Variants in TOP6BL observed in about 807,000 individuals in gnomAD.
The protein encoded by TOP6BL is type 2 DNA topoisomerase 6 subunit B-like.
At chr11:66,747,041 A>G in the TOP6BL span, among the ~76,000 whole-genome samples, 2 of 151,956 alleles carry the variant, frequency 1.3e-5, no homozygotes, top group African/African-American at 4.8e-5. Flanking sequence ...AGTTCAAGCA[A>G]TTCTCCTGCC....
chr11:66,752,131 TC>T, the TOP6BL span, among the ~76,000 whole-genome samples: 11 of 151,268 alleles, frequency 7.3e-5, no homozygotes, highest in African/African-American at 2.7e-4. Flanking sequence ...GCTTCCTGAA[TC>T]CCTCTCTCTC....
At chr11:66,841,256 T>C in the TOP6BL span, among the ~76,000 whole-genome samples, 139 of 152,012 alleles carry the variant, frequency 9.1e-4, 1 homozygote, top group African/African-American at 3.3e-3. Context: ...TAGTTGGGAT[T>C]ACAGGCGCCC....
chr11:66,791,034 T>C, the TOP6BL span, among the ~76,000 whole-genome samples: 1 of 152,228 alleles, frequency 6.6e-6, no homozygotes, highest in Admixed American at 6.5e-5. Context: ...TGTGCAGCTA[T>C]GTAGACAATA....
At chr11:66,843,502 G>A in the TOP6BL span, 1 of 1,487,786 alleles carries the variant, frequency 6.7e-7, no homozygotes, top group Non-Finnish European at 8.9e-7. Flanking sequence ...TCGGTGTCGC[G>A]GCCGGAGCGG....
At chr11:66,754,072 A>G in the TOP6BL span, among the ~76,000 whole-genome samples, 1 of 152,204 alleles carries the variant, frequency 6.6e-6, no homozygotes, top group Non-Finnish European at 1.5e-5. Flanking sequence ...TAGTCAGATT[A>G]TGTGTTCAGG....
chr11:66,814,108 A>G, the TOP6BL span: 1 of 1,340,058 alleles, frequency 7.5e-7, no homozygotes, highest in Non-Finnish European at 1.0e-6. Context: ...GTATAAAAAT[A>G]TGACCAGAGA....
At chr11:66,752,080 T>C in the TOP6BL span, among the ~76,000 whole-genome samples, 4 of 152,154 alleles carry the variant, frequency 2.6e-5, no homozygotes, top group African/African-American at 9.7e-5. Context: ...TCATCATTAT[T>C]CAGAGTGTTT....
chr11:66,822,479 G>A, the TOP6BL span: 1 of 830,278 alleles, frequency 1.2e-6, no homozygotes, highest in Non-Finnish European at 2.0e-6. Context: ...ATCCTGCTCT[G>A]ATGGAAATGT....
chr11:66,763,765 C>T, the TOP6BL span, among the ~76,000 whole-genome samples: 1 of 152,064 alleles, frequency 6.6e-6, no homozygotes, highest in African/African-American at 2.4e-5. Flanking sequence ...CCTCCATGCC[C>T]AGTTACTTTT....
At chr11:66,775,915 T>C in the TOP6BL span, among the ~76,000 whole-genome samples, 1 of 152,188 alleles carries the variant, frequency 6.6e-6, no homozygotes, top group Non-Finnish European at 1.5e-5. Flanking sequence ...CTATTATGAA[T>C]GATATTCATT....
At chr11:66,813,853 T>A in the TOP6BL span, 1 of 1,612,378 alleles carries the variant, frequency 6.2e-7, no homozygotes, top group Non-Finnish European at 8.5e-7. Flanking sequence ...CAGTTTTCTT[T>A]AGCAACTACA....
chr11:66,749,626 G>A, the TOP6BL span, among the ~76,000 whole-genome samples: 9 of 152,090 alleles, frequency 5.9e-5, no homozygotes, highest in East Asian at 1.2e-3. Context: ...CTGGAGTGGC[G>A]CAATCTGGGC....
At chr11:66,836,588 C>T in the TOP6BL span, among the ~76,000 whole-genome samples, 15 of 149,760 alleles carry the variant, frequency 1.0e-4, no homozygotes, top group East Asian at 2.3e-3. Flanking sequence ...CAAGGTGGCT[C>T]ACACTTGTAA....
chr11:66,827,584 CT>C, the TOP6BL span, among the ~76,000 whole-genome samples: 1 of 151,738 alleles, frequency 6.6e-6, no homozygotes, highest in African/African-American at 2.4e-5. Flanking sequence ...AGAACCTGTG[CT>C]GTCTTGGAAA....
chr11:66,788,559 G>A, the TOP6BL span, among the ~76,000 whole-genome samples: 1 of 152,160 alleles, frequency 6.6e-6, no homozygotes, highest in Admixed American at 6.5e-5. Flanking sequence ...TTAAGCAATA[G>A]AGATTTATTT....
At chr11:66,762,689 T>G in the TOP6BL span, among the ~76,000 whole-genome samples, 2 of 152,180 alleles carry the variant, frequency 1.3e-5, no homozygotes, top group Non-Finnish European at 2.9e-5. Flanking sequence ...CAGGCTGGCC[T>G]CGAACTCCTG....
chr11:66,826,089 C>T, the TOP6BL span, among the ~76,000 whole-genome samples: 22 of 152,086 alleles, frequency 1.4e-4, no homozygotes, highest in African/African-American at 3.4e-4. Flanking sequence ...GGGATCCGCC[C>T]GCCTTGGCCT....
chr11:66,832,664 C>T, the TOP6BL span, among the ~76,000 whole-genome samples: 6 of 152,262 alleles, frequency 3.9e-5, no homozygotes, highest in Non-Finnish European at 7.3e-5. Flanking sequence ...AACGTGTCCA[C>T]TGTTCCTTTC....
chr11:66,827,780 C>G, the TOP6BL span, among the ~76,000 whole-genome samples: 1 of 151,676 alleles, frequency 6.6e-6, no homozygotes, highest in Non-Finnish European at 1.5e-5. Context: ...GCCTTGCCAA[C>G]ATAGTGAAAC....
Sources: gnomAD v4.1 joint callset for allele counts (sites outside exome capture counted in the v4.1 genomes callset) on GRCh38, gnomAD v4.1.1 for gene constraint, MANE v1.5 for transcripts, NCBI Gene and HGNC (gene_info 2026-07-23, HGNC 2026-07-21) for gene names.